Variants in TLNRD1 observed in about 807,000 individuals in gnomAD.
TLNRD1 encodes talin rod domain containing 1.
In TLNRD1, 14 loss-of-function variants were observed where a neutral mutation model predicts 19.5. That is an observed-to-expected ratio of 0.72 (90% CI 0.47 to 1.12). The LOEUF (loss-of-function observed/expected upper bound fraction) is 1.12, where lower values mean the gene tolerates loss of function less well. Ranked by LOEUF, TLNRD1 falls within the 50% of genes most tolerant of loss-of-function variation. TLNRD1 has a pLI of 0.00. For missense variants in TLNRD1, 569 were observed against 531.9 expected (o/e 1.07, Z -0.69); for synonymous variants, 345 against 261.7 (o/e 1.32, Z -3.07).
Position 81,004,340 on chromosome 15 carries a change from T to C in TLNRD1, c.*980T>C, listed in dbSNP as rs1893465601. On this transcript the variant is annotated 3_prime_UTR_variant, in exon 1 of 1. Transcript: ENST00000267984. ...GTCTCCACTTACCTTTCCATCATCA[T>C]GAACAGTGGCTCAGGCTGCTTGAAT... 1 of 167,132 alleles carries C rather than the reference T, an allele frequency of 6.0e-6. No homozygotes were observed. The highest frequency in any genetic ancestry group is 2.1e-4 in the South Asian group (1 of 4,830). The allele number at this position is 167,132 out of a possible 1,614,324, so 10.4% of individuals were successfully genotyped here. A position where few individuals can be genotyped will look rare whatever the true frequency, so the allele number is the denominator to read the frequency against.
In TLNRD1 at chr15:81,002,930, G is replaced by A; in HGVS notation, c.659G>A (p.Cys220Tyr). 6.3e-7 allele frequency: 1 copy of A among 1,596,524 alleles called. No individual in the cohort carries two copies. Among genetic ancestry groups the A allele is most frequent in the Non-Finnish European group, 8.5e-7 (1 of 1,178,208 alleles). ...GAGCAGTTCAAGCTGGGCGTCAAGT[G>A]CATGAGCACCAGCGCGTCGGCGCTG... Reference protein sequence around the residue: ...SREQFKLGVKCMSTSASALLA... With the variant: ...SREQFKLGVKYMSTSASALLA... Residue 220 changes from cysteine (C) to tyrosine (Y), a missense_variant, in exon 1 of 1, where the codon TGC becomes TAC. Transcript: ENST00000267984.
rs956737909 is a variant in TLNRD1 at position 81,003,088 on chromosome 15, C to T, written c.817C>T (p.Arg273Cys). The T allele has an allele frequency of 1.3e-6, 2 of 1,551,800 alleles. No individual in the cohort carries two copies. The highest frequency in any genetic ancestry group is 1.7e-6 in the Non-Finnish European group (2 of 1,153,158). ...GFATEPQFLGRAAAVSAEGKA... is the reference protein window; with the variant it reads ...GFATEPQFLGCAAAVSAEGKA... ...CGCCACCGAGCCGCAGTTCCTGGGT[C>T]GCGCGGCAGCTGTGAGCGCCGAGGG... The change falls in exon 1 of 1, where the codon CGC (arginine) becomes TGC (cysteine). Residue 273 changes from arginine to cysteine, a missense_variant. Transcript: ENST00000267984.
At position 81,005,150 on chromosome 15, in the gene TLNRD1, GAA is replaced by G. The variant is rs1290945502; in HGVS notation, c.*1794_*1795del. The G allele has an allele frequency of 6.0e-6, 1 of 167,032 alleles. No homozygotes were observed. Among genetic ancestry groups the G allele is most frequent in the African/African-American group, 2.4e-5 (1 of 41,430 alleles). 10.3% of individuals were successfully genotyped at this position (167,032 alleles called of 1,614,324 possible). ...TTTCACCACCCTGAATTTGAAATTT[GAA>G]AAAGTCTTAAAGTGGTAGGGTACTT... is the stretch of plus-strand genomic sequence containing the variant. On this transcript the variant is annotated 3_prime_UTR_variant, in exon 1 of 1. Coordinates refer to ENST00000267984, the MANE Select transcript of TLNRD1 (RefSeq NM_022566.3).
In TLNRD1 at chr15:81,003,524, C is replaced by G; in HGVS notation, c.*164C>G. On this transcript the variant is annotated 3_prime_UTR_variant, in exon 1 of 1. Transcript: ENST00000267984. The stretch of plus-strand genomic sequence containing the variant: ...CACAAGGCAGGGCCATGCACGCAAC[C>G]TGCACACGCACTTGGAGGGCCCAGG... 1 of 769,986 alleles carries G rather than the reference C, an allele frequency of 1.3e-6. No homozygotes were observed. The highest frequency in any genetic ancestry group is 2.8e-5 in the East Asian group (1 of 36,024). The allele number at this position is 769,986 out of a possible 1,614,324, so 47.7% of individuals were successfully genotyped here. A position where few individuals can be genotyped will look rare whatever the true frequency, so the allele number is the denominator to read the frequency against.
In TLNRD1 at chr15:81,003,057, A is replaced by T. The variant is rs1893441245; in HGVS notation, c.786A>T (p.Val262=). The T allele has an allele frequency of 6.5e-7, 1 of 1,546,726 alleles. No homozygotes were observed. Among genetic ancestry groups the T allele is most frequent in the African/African-American group, 1.4e-5 (1 of 73,420 alleles). Reference sequence around the variant, plus strand: ...TGGTGCAGGCAGTGAGCGCCCTGGTAGGCTTCGCCACCGAGCCGCAGTTCC... The same window carrying T: ...TGGTGCAGGCAGTGAGCGCCCTGGTTGGCTTCGCCACCGAGCCGCAGTTCC... ...GPLVQAVSAL[V]GFATEPQFLG... Residue 262 remains valine (V), a synonymous_variant, in exon 1 of 1, where the codon GTA becomes GTT. Transcript: ENST00000267984.
At position 81,002,352 on chromosome 15, in the gene TLNRD1, G is replaced by A. The variant is rs962893605; in HGVS notation, c.81G>A (p.Ser27=). The change falls in exon 1 of 1, where the codon TCG becomes TCA. Residue 27 remains serine, a synonymous_variant. Transcript: ENST00000267984. ...CGAGCGCCATCGGCGGGGCCAGCTC[G>A]CAGCCGCGGAAGAGGCTGGTATCCG... The part of the protein sequence containing the change: ...APASAIGGAS[S]QPRKRLVSVC... 4 of 1,410,624 alleles carry A rather than the reference G, an allele frequency of 2.8e-6. No individual in the cohort carries two copies. The highest frequency in any genetic ancestry group is 2.5e-5 in the Admixed American group (1 of 40,464). The allele number at this position is 1,410,624 out of a possible 1,614,324, so 87.4% of individuals were successfully genotyped here. A position where few individuals can be genotyped will look rare whatever the true frequency, so the allele number is the denominator to read the frequency against.
chr15:81,003,443 A>C lies in TLNRD1; in HGVS notation c.*83A>C. 3.5e-6 allele frequency: 5 copies of C among 1,412,118 alleles called. No homozygotes were observed. The highest frequency in any genetic ancestry group is 4.7e-6 in the Non-Finnish European group (5 of 1,054,160). The allele number at this position is 1,412,118 out of a possible 1,614,324, so 87.5% of individuals were successfully genotyped here. A position where few individuals can be genotyped will look rare whatever the true frequency, so the allele number is the denominator to read the frequency against. On this transcript the variant is annotated 3_prime_UTR_variant, in exon 1 of 1. Coordinates refer to ENST00000267984, the MANE Select transcript of TLNRD1 (RefSeq NM_022566.3). ...TGCCCCTCTCCATTTATACCAAAGA[A>C]ATCATAGGTGAAACCCCCTACCCTC...
Position 81,002,944 on chromosome 15 carries a change from G to T in TLNRD1, c.673G>T (p.Ala225Ser). The T allele has an allele frequency of 6.3e-7, 1 of 1,594,302 alleles. No individual in the cohort carries two copies. The highest frequency in any genetic ancestry group is 8.5e-7 in the Non-Finnish European group (1 of 1,176,960). Residue 225 changes from alanine to serine, a missense_variant, in exon 1 of 1, where the codon GCG (alanine) becomes TCG (serine). Coordinates refer to ENST00000267984, the MANE Select transcript of TLNRD1 (RefSeq NM_022566.3). ...GGGCGTCAAGTGCATGAGCACCAGCGCGTCGGCGCTGCTGGCCTGCGTGCG... is the reference window on the plus strand; with the variant it reads ...GGGCGTCAAGTGCATGAGCACCAGCTCGTCGGCGCTGCTGGCCTGCGTGCG... ...KLGVKCMSTS[A>S]SALLACVREV... is the part of the protein sequence containing the mutation.
Position 81,003,241 on chromosome 15 carries a change from G to C in TLNRD1, c.970G>C (p.Glu324Gln). 1 of 1,607,488 alleles carries C rather than the reference G, an allele frequency of 6.2e-7. No individual in the cohort carries two copies. The highest frequency in any genetic ancestry group is 8.5e-7 in the Non-Finnish European group (1 of 1,177,634). ...DGGAKMSDHR[E>Q]RLRNSACAVS... Reference sequence around the variant, plus strand: ...GGGCGCCAAGATGTCGGACCACAGGGAGAGGCTGAGGAACTCGGCCTGCGC... The same window carrying C: ...GGGCGCCAAGATGTCGGACCACAGGCAGAGGCTGAGGAACTCGGCCTGCGC... Residue 324 changes from glutamate (E) to glutamine (Q), a missense_variant, in exon 1 of 1, where the codon GAG (glutamate) becomes CAG (glutamine). Glu to Gln is a conservative substitution (Grantham distance 29). Transcript: ENST00000267984.
Position 81,002,569 on chromosome 15 carries a change from C to G in TLNRD1, c.298C>G (p.Leu100Val). The G allele has an allele frequency of 6.8e-7, 1 of 1,465,528 alleles. No homozygotes were observed. The highest frequency in any genetic ancestry group is 2.6e-5 in the East Asian group (1 of 38,728). The allele number at this position is 1,465,528 out of a possible 1,614,324, so 90.8% of individuals were successfully genotyped here. A position where few individuals can be genotyped will look rare whatever the true frequency, so the allele number is the denominator to read the frequency against. Residue 100 changes from leucine to valine, a missense_variant, in exon 1 of 1, where the codon CTC becomes GTC. Transcript: ENST00000267984. ...CCTCACCCACGACGTGCAGAGCCAG[C>G]TCAACATGGGCCGCTTCGGGGAGGC... ...SILTHDVQSQ[L>V]NMGRFGEAGD...
At position 81,002,887 on chromosome 15, in the gene TLNRD1, C is replaced by A. The variant is rs138274571; in HGVS notation, c.616C>A (p.Arg206=). 2.6e-4 allele frequency: 415 copies of A among 1,597,234 alleles called. 3 individuals carry two copies. In the African/African-American group the frequency reaches 4.7e-3, roughly 18 times the overall value. Reference sequence around the variant, plus strand: ...GTGCGCCCTGGCCAGTGACAAGTCACGGGACCGCTTTTCGCGGGAGCAGTT... The same window carrying A: ...GTGCGCCCTGGCCAGTGACAAGTCAAGGGACCGCTTTTCGCGGGAGCAGTT... ...DACALASDKS[R]DRFSREQFKL... is the part of the protein sequence containing the mutation. The change falls in exon 1 of 1, where the codon CGG becomes AGG. Residue 206 remains arginine (R), a synonymous_variant. Transcript: ENST00000267984.
In TLNRD1 at chr15:81,005,028, T is replaced by C. The variant is rs187576672; in HGVS notation, c.*1668T>C. The C allele has an allele frequency of 1.6e-4, 26 of 167,234 alleles. No homozygotes were observed. In the East Asian group the frequency reaches 4.8e-3, roughly 31 times the overall value. 10.4% of individuals were successfully genotyped at this position (167,234 alleles called of 1,614,324 possible). On this transcript the variant is annotated 3_prime_UTR_variant, in exon 1 of 1. Coordinates refer to ENST00000267984, the MANE Select transcript of TLNRD1 (RefSeq NM_022566.3). ...TTAAGAGAGAGAGAAAAAAGTCATA[T>C]TGACTATTTTACTTGTTTGAATCGC...
Position 81,002,159 on chromosome 15 carries a change from G to T in TLNRD1, c.-113G>T, listed in dbSNP as rs1893420793. 1.2e-5 allele frequency: 13 copies of T among 1,118,488 alleles called. No homozygotes were observed. The highest frequency in any genetic ancestry group is 1.5e-5 in the Non-Finnish European group (13 of 894,874). The allele number at this position is 1,118,488 out of a possible 1,614,324, so 69.3% of individuals were successfully genotyped here. On this transcript the variant is annotated 5_prime_UTR_variant, in exon 1 of 1. Transcript: ENST00000267984. The stretch of plus-strand genomic sequence containing the variant: ...TGGATGGCATGATGGTGCGGGGAAG[G>T]CACCGCGGCCTTGGCCAGCTGAGTC...
In TLNRD1 at chr15:81,003,331, C is replaced by G. The variant is rs181912182; in HGVS notation, c.1060C>G (p.Pro354Ala). ...GGAGAGGTCTTCGCCCAGGACTTTA[C>G]CGCCAGTGAATTCCAATTCTGTGAA... ...LRERSSPRTLPPVNSNSVN is the reference protein window; with the variant it reads ...LRERSSPRTLAPVNSNSVN The change falls in exon 1 of 1, where the codon CCG becomes GCG. Residue 354 changes from proline to alanine, a missense_variant. Physicochemically the swap from Pro to Ala is conservative, Grantham distance 27. Transcript: ENST00000267984. The G allele has an allele frequency of 2.2e-5, 35 of 1,602,056 alleles. No individual in the cohort carries two copies. Among genetic ancestry groups the G allele is most frequent in the Non-Finnish European group, 3.0e-5 (35 of 1,171,022 alleles).
rs1242034486 is a variant in TLNRD1 at position 81,002,212 on chromosome 15, G to C, written c.-60G>C. ...GACGGCCGCCGGGGCGGCGGCAGTG[G>C]CCGCGGCAGCGGCGGTGGTAGCGGG... On this transcript the variant is annotated 5_prime_UTR_variant, in exon 1 of 1. Coordinates refer to ENST00000267984, the MANE Select transcript of TLNRD1 (RefSeq NM_022566.3). 10 of 1,216,296 alleles carry C rather than the reference G, an allele frequency of 8.2e-6. No individual in the cohort carries two copies. The highest frequency in any genetic ancestry group is 8.2e-6 in the Non-Finnish European group (8 of 978,372). The allele number at this position is 1,216,296 out of a possible 1,614,324, so 75.3% of individuals were successfully genotyped here.
chr15:81,001,146 CG>C lies in TLNRD1; in HGVS notation c.-1124del, dbSNP rs1893401153. On this transcript the variant is annotated 5_prime_UTR_variant, in exon 1 of 1. Transcript: ENST00000267984. ...TCCTTTCAGTTTCTGCCCGCTCGCT[CG>C]GAAGTTGGCGGTTGACAAAAATGGC... is the stretch of plus-strand genomic sequence containing the variant. 6.6e-6 allele frequency: 1 copy of C among 152,444 alleles called. No individual in the cohort carries two copies. The allele number at this position is 152,444 out of a possible 1,614,324, so 9.4% of individuals were successfully genotyped here. A position where few individuals can be genotyped will look rare whatever the true frequency, so the allele number is the denominator to read the frequency against.
In TLNRD1 at chr15:81,002,437, G is replaced by A; in HGVS notation, c.166G>A (p.Glu56Lys). 1 of 1,552,504 alleles carries A rather than the reference G, an allele frequency of 6.4e-7. No individual in the cohort carries two copies. Among genetic ancestry groups the A allele is most frequent in the Non-Finnish European group, 8.6e-7 (1 of 1,156,288 alleles). The change falls in exon 1 of 1, where the codon GAG becomes AAG. Residue 56 changes from glutamate to lysine, a missense_variant. By Grantham distance (56) the Glu-to-Lys change is moderately conservative (BLOSUM62 1). Coordinates refer to ENST00000267984, the MANE Select transcript of TLNRD1 (RefSeq NM_022566.3). Reference sequence around the variant, plus strand: ...GGCTGACCTGCTGCTGCTGTCGAGCGAGGCGCGGCCCGTGCTCTTCGAGGG... The same window carrying A: ...GGCTGACCTGCTGCTGCTGTCGAGCAAGGCGCGGCCCGTGCTCTTCGAGGG... Reference protein sequence around the residue: ...LVADLLLLSSEARPVLFEGPA... With the variant: ...LVADLLLLSSKARPVLFEGPA...
chr15:81,002,264 C>T lies in TLNRD1; in HGVS notation c.-8C>T, dbSNP rs1567132254. The stretch of plus-strand genomic sequence containing the variant: ...TCCCCAGCGGCATGCCAGTGCCCCC[C>T]GGGCGCGATGGCTAGCGGCAGCGCC... On this transcript the variant is annotated 5_prime_UTR_variant, in exon 1 of 1. Transcript: ENST00000267984. 7.9e-6 allele frequency: 10 copies of T among 1,273,454 alleles called. No individual in the cohort carries two copies. In the South Asian group the frequency reaches 2.4e-4, roughly 31 times the overall value. 78.9% of individuals were successfully genotyped at this position (1,273,454 alleles called of 1,614,324 possible). A position where few individuals can be genotyped will look rare whatever the true frequency, so the allele number is the denominator to read the frequency against.
Position 81,004,731 on chromosome 15 carries a change from T to C in TLNRD1, c.*1371T>C, listed in dbSNP as rs1207270839. On this transcript the variant is annotated 3_prime_UTR_variant, in exon 1 of 1. Coordinates refer to ENST00000267984, the MANE Select transcript of TLNRD1 (RefSeq NM_022566.3). Reference sequence around the variant, plus strand: ...ATTGGAATTTGGAGTAATATTAAGGTAGTTTGTCTTTTCTGCAGACATTTT... The same window carrying C: ...ATTGGAATTTGGAGTAATATTAAGGCAGTTTGTCTTTTCTGCAGACATTTT... 6.0e-6 allele frequency: 1 copy of C among 167,078 alleles called. No individual in the cohort carries two copies. Among genetic ancestry groups the C allele is most frequent in the East Asian group, 1.9e-4 (1 of 5,210 alleles). The allele number at this position is 167,078 out of a possible 1,614,324, so 10.3% of individuals were successfully genotyped here.
Sources: allele counts gnomAD v4.1 joint callset, GRCh38; gene constraint gnomAD v4.1.1; transcripts MANE v1.5; gene names NCBI Gene and HGNC (gene_info 2026-07-23, HGNC 2026-07-21).